Variants in KIAA1217 observed in about 807,000 individuals in gnomAD.
The protein encoded by KIAA1217 is KIAA1217.
A neutral mutation model predicts 163.9 loss-of-function variants in KIAA1217; 88 were observed. The ratio of observed to expected loss-of-function variants is 0.54; its 90% CI spans 0.45 to 0.64. The LOEUF (loss-of-function observed/expected upper bound fraction) is 0.64, where lower values mean the gene tolerates loss of function less well. Among genes scored for constraint, KIAA1217 ranks in the 30% least tolerant of loss-of-function variants. The probability of loss-of-function intolerance (pLI) is 0.00; values close to 1 mark genes in which losing one functional copy is unlikely to be tolerated. For synonymous variants in KIAA1217, 903 were observed against 923.1 expected, an observed-to-expected ratio of 0.98 and a Z score of 0.39; for missense variants, 2,372 against 2,475.0, an observed-to-expected ratio of 0.96 and a Z score of 0.88.
chr10:24,458,555 A>T (rs1443610483), intron 5 of KIAA1217, among the ~76,000 whole-genome samples: 1 of 152,112 alleles, frequency 6.6e-6, no homozygotes, highest in African/African-American at 2.4e-5. Context: ...TGATTTCTTA[A>T]CACTAGAATG....
In KIAA1217 at chr10:24,494,388, C is replaced by G. The variant is rs1039654958; in HGVS notation, c.1680-112C>G. 13 of 819,334 alleles carry G rather than the reference C, an allele frequency of 1.6e-5. No homozygotes were observed. The African/African-American group carries it at 2.3e-4, about 14-fold the overall frequency. The allele number at this position is 819,334 out of a possible 1,614,324, so 50.8% of individuals were successfully genotyped here. A position where few individuals can be genotyped will look rare whatever the true frequency, so the allele number is the denominator to read the frequency against. Reference sequence around the variant, plus strand: ...ATGTTCCTGAGCCAGGTTGGGTGAACTTCCACGGCCTTCTAGGTGGTACCT... The same window carrying G: ...ATGTTCCTGAGCCAGGTTGGGTGAAGTTCCACGGCCTTCTAGGTGGTACCT... On this transcript the variant is annotated intron_variant, in intron 6 of 20. Coordinates refer to ENST00000376454, the MANE Select transcript of KIAA1217 (RefSeq NM_019590.5).
intron 1 of KIAA1217, among the ~76,000 whole-genome samples, chr10:23,991,239 G>C (rs1048313548): frequency 6.6e-6 from 1 of 152,172 alleles, no homozygotes; most frequent in Non-Finnish European, 1.5e-5. Flanking sequence ...GCAGCCACTT[G>C]AACAGCTTTT....
intron 1 of KIAA1217, among the ~76,000 whole-genome samples, chr10:24,211,211 T>G (rs541428907): frequency 3.9e-4 from 60 of 152,166 alleles, no homozygotes; most frequent in African/African-American, 1.3e-3. Flanking sequence ...ATGTAATGTT[T>G]TCAAAGAACA....
chr10:24,401,606 A>C (rs2056535737), intron 3 of KIAA1217, among the ~76,000 whole-genome samples: 1 of 152,234 alleles, frequency 6.6e-6, no homozygotes, highest in South Asian at 2.1e-4. Flanking sequence ...TTCTCACTTC[A>C]TAAAGAGCAT....
At chr10:23,993,747 A>C (rs1846334062) in intron 1 of KIAA1217, among the ~76,000 whole-genome samples, 1 of 151,364 alleles carries the variant, frequency 6.6e-6, no homozygotes, top group African/African-American at 2.4e-5. Context: ...TCAAAAATAC[A>C]TTTGGATTTT....
At chr10:23,853,326 G>T (rs1205002907) in intron 1 of KIAA1217, among the ~76,000 whole-genome samples, 1 of 152,080 alleles carries the variant, frequency 6.6e-6, no homozygotes, top group African/African-American at 2.4e-5. Context: ...TTATTGATTT[G>T]CATGTATTAA....
intron 1 of KIAA1217, among the ~76,000 whole-genome samples, chr10:23,701,485 C>T (rs1836445891): frequency 6.6e-6 from 1 of 152,164 alleles, no homozygotes; most frequent in Admixed American, 6.5e-5. Flanking sequence ...TTTCCTGTCT[C>T]TCACTTTTGG....
chr10:24,319,143 C>T (rs1723690138), intron 2 of KIAA1217, among the ~76,000 whole-genome samples: 1 of 151,992 alleles, frequency 6.6e-6, no homozygotes, highest in Non-Finnish European at 1.5e-5. Flanking sequence ...TTTGGGAGGC[C>T]GAGGCGGGCA....
chr10:23,872,263 T>C (rs1840488820), intron 1 of KIAA1217, among the ~76,000 whole-genome samples: 1 of 151,812 alleles, frequency 6.6e-6, no homozygotes, highest in Non-Finnish European at 1.5e-5. Context: ...AAGAGAGCTC[T>C]TGTAGAATGA....
chr10:23,760,917 T>C (rs1312961063), intron 1 of KIAA1217, among the ~76,000 whole-genome samples: 1 of 152,166 alleles, frequency 6.6e-6, no homozygotes, highest in Non-Finnish European at 1.5e-5. Context: ...CCAAATTCAG[T>C]CATTAACTCT....
At chr10:24,254,086 C>T (rs1210218001) in intron 2 of KIAA1217, among the ~76,000 whole-genome samples, 3 of 152,116 alleles carry the variant, frequency 2.0e-5, no homozygotes, top group Non-Finnish European at 2.9e-5. Flanking sequence ...TTTTCATCTG[C>T]TCTCAATTGA....
chr10:24,427,931 A>G (rs1004224560), intron 3 of KIAA1217, among the ~76,000 whole-genome samples: 1 of 152,196 alleles, frequency 6.6e-6, no homozygotes, highest in Non-Finnish European at 1.5e-5. Flanking sequence ...TGAAAAGACT[A>G]TTCTGTTTGC....
At chr10:24,216,686 G>T (rs1243041213) in intron 1 of KIAA1217, among the ~76,000 whole-genome samples, 1 of 151,588 alleles carries the variant, frequency 6.6e-6, no homozygotes, top group African/African-American at 2.4e-5. Context: ...AATTAGCCGG[G>T]CATGGTTGCG....
chr10:24,273,779 C>T (rs911248244), intron 2 of KIAA1217, among the ~76,000 whole-genome samples: 2 of 149,874 alleles, frequency 1.3e-5, no homozygotes, highest in Admixed American at 6.7e-5. Context: ...CCTGAGCACA[C>T]GAGATGGAGG....
At chr10:24,157,890 T>C in intron 2 of KIAA1217, 1 of 655,240 alleles carries the variant, frequency 1.5e-6, no homozygotes, top group South Asian at 1.9e-5. Context: ...GAACCAATGA[T>C]GCTGGCTTCA....
chr10:24,066,329 G>A (rs2060944365), intron 2 of KIAA1217, among the ~76,000 whole-genome samples: 1 of 152,088 alleles, frequency 6.6e-6, no homozygotes. Context: ...CTCTTTTAGG[G>A]CAGGCCTGGT....
At chr10:24,160,363 A>C (rs556839407) in intron 2 of KIAA1217, among the ~76,000 whole-genome samples, 1 of 152,204 alleles carries the variant, frequency 6.6e-6, no homozygotes, top group East Asian at 1.9e-4. Flanking sequence ...TGTGGCATAT[A>C]TCTCTCCATT....
intron 1 of KIAA1217, among the ~76,000 whole-genome samples, chr10:23,915,589 A>C (rs1842604373): frequency 6.6e-6 from 1 of 152,144 alleles, no homozygotes; most frequent in Admixed American, 6.6e-5. Context: ...TGTGCATGCT[A>C]GGGAAAGATG....
intron 2 of KIAA1217, among the ~76,000 whole-genome samples, chr10:24,358,788 G>T (rs531793389): frequency 6.6e-6 from 1 of 152,184 alleles, no homozygotes; most frequent in African/African-American, 2.4e-5. Context: ...CAATGGCAAG[G>T]TCATAGAAAT....
Sources: gnomAD v4.1 joint callset for allele counts (sites outside exome capture counted in the v4.1 genomes callset) on GRCh38, gnomAD v4.1.1 for gene constraint, MANE v1.5 for transcripts, NCBI Gene and HGNC (gene_info 2026-07-23, HGNC 2026-07-21) for gene names.